The following CNTN6 variants were observed in gnomAD, a reference collection of about 807,000 sequenced individuals.
CNTN6 encodes contactin-6.
CNTN6 carries 137 observed loss-of-function variants against 122.8 expected under a neutral mutation model. The ratio of observed to expected loss-of-function variants is 1.12; its 90% confidence interval spans 0.97 to 1.29. The LOEUF is 1.29. CNTN6 is among the 50% of genes most tolerant of loss of function. CNTN6 has a pLI of 0.00. For missense variants in CNTN6, 1,634 were observed against 1,223.4 expected (o/e 1.34, Z -5.01); for synonymous variants, 570 against 426.0 (o/e 1.34, Z -4.16).
chr3:1,300,496 A>AGGAAGGAAG (rs1697062912), intron 7 of CNTN6, among the ~76,000 whole-genome samples: 1 of 119,756 alleles, frequency 8.4e-6, no homozygotes, highest in Non-Finnish European at 1.8e-5. Flanking sequence ...AGGAAGGAAA[A>AGGAAGGAAG]AGAAAAGAAA....
At chr3:1,158,969 C>CACACACACATATATATATATATATAT in intron 2 of CNTN6, among the ~76,000 whole-genome samples, 1 of 112,982 alleles carries the variant, frequency 8.9e-6, no homozygotes, top group African/African-American at 3.8e-5. Flanking sequence ...CACACACACA[C>CACACACACATATATATATATATATAT]ATATATATAT....
intron 9 of CNTN6, 25 bp from the exon 10 acceptor site, chr3:1,327,432 C>G: frequency 6.2e-7 from 1 of 1,604,926 alleles, no homozygotes; most frequent in Non-Finnish European, 8.5e-7. Flanking sequence ...GTACAAGCAT[C>G]TTTATATGCC....
chr3:1,251,658 G>A (rs9837484), intron 4 of CNTN6, among the ~76,000 whole-genome samples: 37,391 of 151,252 alleles, frequency 0.25, 5,377 homozygotes, highest in East Asian at 0.44. Context: ...CATTCAGTGG[G>A]CCATTAATGT....
chr3:1,140,661 C>G (rs530771517), intron 1 of CNTN6, among the ~76,000 whole-genome samples: 1 of 152,100 alleles, frequency 6.6e-6, no homozygotes, highest in African/African-American at 2.4e-5. Flanking sequence ...ATGAGAGATA[C>G]TCTCTTGATG....
At chr3:1,300,575 AAGAAAGAAAG>A (rs1298270028) in intron 7 of CNTN6, among the ~76,000 whole-genome samples, 29 of 35,198 alleles carry the variant, frequency 8.2e-4, no homozygotes, top group East Asian at 8.9e-3. Flanking sequence ...GAAAGAAAGA[AAGAAAGAAAG>A]AAAGAAAGAA....
intron 1 of CNTN6, among the ~76,000 whole-genome samples, chr3:1,145,472 C>A (rs1253302879): frequency 8.2e-6 from 1 of 121,908 alleles, no homozygotes; most frequent in Non-Finnish European, 1.7e-5. Context: ...CCTTTTATCA[C>A]AAGAAGGAGA....
chr3:1,241,883 C>G (rs1451386961), intron 4 of CNTN6, among the ~76,000 whole-genome samples: 1 of 152,164 alleles, frequency 6.6e-6, no homozygotes. Context: ...AAAGCAGCAG[C>G]AGCCGCTGCA....
At chr3:1,190,627 T>C (rs962500636) in intron 2 of CNTN6, among the ~76,000 whole-genome samples, 1 of 152,016 alleles carries the variant, frequency 6.6e-6, no homozygotes, top group East Asian at 1.9e-4. Context: ...AAATCCTTAA[T>C]CACATCTCTA....
chr3:1,374,132 C>A (rs1160611740), intron 16 of CNTN6, 59 bp downstream of exon 16: 1 of 1,045,192 alleles, frequency 9.6e-7, no homozygotes, highest in Non-Finnish European at 1.3e-6. Flanking sequence ...GTTCTTAAAA[C>A]AAAACAAGTA....
chr3:1,118,574 G>A (rs1361113230), intron 1 of CNTN6, among the ~76,000 whole-genome samples: 3 of 151,988 alleles, frequency 2.0e-5, no homozygotes, highest in Admixed American at 2.0e-4. Flanking sequence ...GTCTCTTGAG[G>A]TCATGATTGG....
intron 2 of CNTN6, among the ~76,000 whole-genome samples, chr3:1,156,712 CTTCTTTCTTT>C (rs1335464867): frequency 7.0e-4 from 78 of 111,986 alleles, no homozygotes; most frequent in Non-Finnish European, 2.9e-4. Context: ...TTCCTTCCTT[CTTCTTTCTTT>C]TTCTTTCTTT....
At chr3:1,202,467 G>C (rs1003446672) in intron 2 of CNTN6, among the ~76,000 whole-genome samples, 8 of 151,974 alleles carry the variant, frequency 5.3e-5, no homozygotes, top group Non-Finnish European at 1.0e-4. Context: ...GGGAACCCCG[G>C]GGGGCGGAGC....
chr3:1,144,584 A>T (rs1486438893), intron 1 of CNTN6, among the ~76,000 whole-genome samples: 1 of 147,596 alleles, frequency 6.8e-6, no homozygotes, highest in Admixed American at 6.7e-5. Context: ...TCATTAAAAA[A>T]TAATAATAAT....
At chr3:1,300,037 C>G (rs1398019043) in intron 7 of CNTN6, among the ~76,000 whole-genome samples, 2 of 151,936 alleles carry the variant, frequency 1.3e-5, no homozygotes, top group African/African-American at 2.4e-5. Flanking sequence ...AGTGCAGTGG[C>G]TTGATCTCAG....
intron 4 of CNTN6, among the ~76,000 whole-genome samples, chr3:1,267,905 TTGA>T (rs10575367): frequency 0.045 from 6,897 of 152,104 alleles, 511 homozygotes; most frequent in African/African-American, 0.15. Flanking sequence ...AACACGTCCC[TTGA>T]TGACACCACT....
chr3:1,331,178 C>T (rs987432756), intron 11 of CNTN6, among the ~76,000 whole-genome samples: 5 of 151,932 alleles, frequency 3.3e-5, no homozygotes, highest in African/African-American at 1.2e-4. Flanking sequence ...ATGAAGTGTA[C>T]ATCAGAGAGC....
At chr3:1,241,742 G>T (rs924283409) in intron 4 of CNTN6, among the ~76,000 whole-genome samples, 2 of 152,140 alleles carry the variant, frequency 1.3e-5, no homozygotes, top group South Asian at 4.1e-4. Context: ...TTAAGAATAT[G>T]CAGAGTCCTC....
At chr3:1,293,265 CT>C (rs1174737820) in intron 5 of CNTN6, among the ~76,000 whole-genome samples, 1 of 151,034 alleles carries the variant, frequency 6.6e-6, no homozygotes, top group African/African-American at 2.4e-5. Context: ...TCCTTTTTTC[CT>C]TTATTTCTTC....
At position 1,303,942 on chromosome 3, in the gene CNTN6, C is replaced by A. The variant is rs556782186; in HGVS notation, c.761+5951C>A. 1.3e-3 allele frequency among the ~76,000 whole-genome samples: 193 copies of A among 152,126 alleles called. 1 individual carries two copies. The highest frequency in any genetic ancestry group is 4.2e-3 in the African/African-American group (176 of 41,506). ...GTTTTTCTTCTCTGGCATAGTGGAGCTCTCATGTCTTCCAGGCCTATTTGA... is the reference window on the plus strand; with the variant it reads ...GTTTTTCTTCTCTGGCATAGTGGAGATCTCATGTCTTCCAGGCCTATTTGA... On this transcript the variant is annotated intron_variant, in intron 7 of 22. Transcript: ENST00000446702.
Sources: gnomAD v4.1 joint callset for allele counts (sites outside exome capture counted in the v4.1 genomes callset) on GRCh38, gnomAD v4.1.1 for gene constraint, MANE v1.5 for transcripts, NCBI Gene and HGNC (gene_info 2026-07-23, HGNC 2026-07-21) for gene names.